The following NYAP2 variants were observed in gnomAD, a reference collection of about 807,000 sequenced individuals.
The protein encoded by NYAP2 is neuronal tyrosine-phosphorylated phosphoinositide-3-kinase adapter 2.
A neutral mutation model predicts 50.4 loss-of-function variants in NYAP2; 23 were observed. The ratio of observed to expected loss-of-function variants is 0.46; its 90% CI spans 0.33 to 0.65. NYAP2 has a LOEUF of 0.65. Ranked by LOEUF, NYAP2 falls within the 30% of genes least tolerant of loss-of-function variation. NYAP2 has a pLI of 0.02. For missense variants in NYAP2, 885 were observed against 861.0 expected, an observed-to-expected ratio of 1.03 and a Z score of -0.35; for synonymous variants, 394 against 365.2, an observed-to-expected ratio of 1.08 and a Z score of -0.90.
At chr2:225,666,180 A>G in the NYAP2 span, among the ~76,000 whole-genome samples, 1 of 152,070 alleles carries the variant, frequency 6.6e-6, no homozygotes, top group Non-Finnish European at 1.5e-5. Flanking sequence ...TTTAATGCCA[A>G]ATTGTTCACC....
chr2:225,565,213 G>C (rs943284572), intron 4 of NYAP2, among the ~76,000 whole-genome samples: 1 of 151,704 alleles, frequency 6.6e-6, no homozygotes, highest in Non-Finnish European at 1.5e-5. Context: ...ACTCCACTTT[G>C]TGATTTTTAG....
intron 5 of NYAP2, among the ~76,000 whole-genome samples, chr2:225,591,343 T>C (rs974281578): frequency 1.2e-4 from 18 of 152,136 alleles, no homozygotes; most frequent in Admixed American, 1.2e-3. Flanking sequence ...GGGCTCATAA[T>C]GCTAATGAGG....
chr2:225,551,539 T>A (rs1006950242), intron 4 of NYAP2, among the ~76,000 whole-genome samples: 1 of 152,150 alleles, frequency 6.6e-6, no homozygotes, highest in Non-Finnish European at 1.5e-5. Context: ...TAATAATTCA[T>A]TGTTGAGCCA....
chr2:225,438,309 G>T (rs1689414589), intron 3 of NYAP2, among the ~76,000 whole-genome samples: 1 of 152,204 alleles, frequency 6.6e-6, no homozygotes, highest in Non-Finnish European at 1.5e-5. Flanking sequence ...CATTTATAAT[G>T]CTATTGCAGT....
At chr2:225,432,474 AATAT>A (rs921919138) in intron 3 of NYAP2, among the ~76,000 whole-genome samples, 1 of 149,996 alleles carries the variant, frequency 6.7e-6, no homozygotes, top group African/African-American at 2.4e-5. Context: ...TAGCTATATA[AATAT>A]ATATAAATAG....
the NYAP2 span, among the ~76,000 whole-genome samples, chr2:225,698,040 T>C: frequency 6.6e-6 from 1 of 151,656 alleles, no homozygotes; most frequent in Non-Finnish European, 1.5e-5. Context: ...TAGCTGGGCA[T>C]GGTGGTATAT....
intron 6 of NYAP2, among the ~76,000 whole-genome samples, chr2:225,643,998 A>G (rs1215383956): frequency 6.8e-6 from 1 of 147,446 alleles, no homozygotes; most frequent in East Asian, 2.1e-4. Context: ...TTCTAGTTCT[A>G]GATCCCTGAG....
exon 7 of NYAP2, chr2:225,652,694 T>G (rs905176028): frequency 1.3e-5 from 2 of 152,214 alleles, no homozygotes; most frequent in Non-Finnish European, 2.9e-5. Context: ...TAGCAACTTA[T>G]AAAACACTGA....
chr2:225,598,475 G>A (rs1361238117), intron 5 of NYAP2, among the ~76,000 whole-genome samples: 1 of 152,070 alleles, frequency 6.6e-6, no homozygotes, highest in Non-Finnish European at 1.5e-5. Flanking sequence ...AATATGATTT[G>A]TGAAGTGTTG....
At chr2:225,674,182 A>T in the NYAP2 span, among the ~76,000 whole-genome samples, 7 of 152,214 alleles carry the variant, frequency 4.6e-5, no homozygotes, top group East Asian at 1.4e-3. Context: ...CAAGACTTTG[A>T]TGAGGAGACT....
intron 5 of NYAP2, among the ~76,000 whole-genome samples, chr2:225,584,773 G>T (rs1692361441): frequency 6.6e-6 from 1 of 152,188 alleles, no homozygotes; most frequent in East Asian, 1.9e-4. Flanking sequence ...TTACCTAAGT[G>T]AAAGGCAGAC....
At chr2:225,630,711 A>G (rs1203649067) in intron 6 of NYAP2, among the ~76,000 whole-genome samples, 1 of 152,054 alleles carries the variant, frequency 6.6e-6, no homozygotes, top group African/African-American at 2.4e-5. Flanking sequence ...GGATATTTGG[A>G]TATTTTTGTA....
intron 4 of NYAP2, among the ~76,000 whole-genome samples, chr2:225,533,927 T>A (rs1345838486): frequency 6.6e-6 from 1 of 152,212 alleles, no homozygotes; most frequent in Non-Finnish European, 1.5e-5. Flanking sequence ...TATACAGATC[T>A]GTTTCTTAAC....
chr2:225,680,040 C>T, the NYAP2 span, among the ~76,000 whole-genome samples: 1 of 152,054 alleles, frequency 6.6e-6, no homozygotes, highest in Admixed American at 6.6e-5. Context: ...AGATAGATAG[C>T]ACCGGGTTTA....
chr2:225,497,684 T>C (rs1015497754), intron 3 of NYAP2, among the ~76,000 whole-genome samples: 4 of 152,206 alleles, frequency 2.6e-5, no homozygotes, highest in Admixed American at 6.5e-5. Context: ...TGAATGAATC[T>C]ATTGGGAAAT....
upstream of NYAP2, among the ~76,000 whole-genome samples, chr2:225,398,327 C>T (rs1175515402): frequency 6.6e-6 from 1 of 152,068 alleles, no homozygotes; most frequent in Non-Finnish European, 1.5e-5. Flanking sequence ...GGGCTTTACA[C>T]TAGAGCTTAT....
chr2:225,614,118 T>C (rs1304173025), intron 5 of NYAP2, among the ~76,000 whole-genome samples: 4 of 152,140 alleles, frequency 2.6e-5, no homozygotes, highest in Non-Finnish European at 4.4e-5. Flanking sequence ...TTCCCAAAGA[T>C]TTTATTGAAC....
At chr2:225,612,239 T>C (rs1692899209) in intron 5 of NYAP2, among the ~76,000 whole-genome samples, 1 of 151,236 alleles carries the variant, frequency 6.6e-6, no homozygotes, top group African/African-American at 2.4e-5. Flanking sequence ...ATTATACCAC[T>C]CTTCCTGTTT....
chr2:225,569,859 A>G (rs1453010852), intron 4 of NYAP2, among the ~76,000 whole-genome samples: 10 of 152,184 alleles, frequency 6.6e-5, no homozygotes, highest in Admixed American at 5.9e-4. Flanking sequence ...ATATTTTAGC[A>G]TAACCTCCCA....
Sources: allele counts gnomAD v4.1 joint callset (sites outside exome capture counted in the v4.1 genomes callset), GRCh38; gene constraint gnomAD v4.1.1; transcripts MANE v1.5; gene names NCBI Gene and HGNC (gene_info 2026-07-23, HGNC 2026-07-21).